The following CNTN4 variants were observed in gnomAD, a reference collection of about 807,000 sequenced individuals.
CNTN4 encodes contactin 4, also known as contactin-4.
Under a neutral mutation model 122.5 loss-of-function variants are expected in CNTN4, and 77 were observed. The ratio of observed to expected loss-of-function variants is 0.63; its 90% confidence interval spans 0.52 to 0.76. The LOEUF (loss-of-function observed/expected upper bound fraction) is 0.76. Among genes scored for constraint, CNTN4 ranks in the 30% least tolerant of loss-of-function variants. The pLI is 0.00. For missense variants in CNTN4, 1,256 were observed against 1,259.1 expected (o/e 1.00, Z 0.04); for synonymous variants, 512 against 447.0 (o/e 1.15, Z -1.83).
intron 6 of CNTN4, among the ~76,000 whole-genome samples, chr3:2,796,423 C>A (rs987787797): frequency 6.6e-6 from 1 of 152,066 alleles, no homozygotes; most frequent in Non-Finnish European, 1.5e-5. Context: ...CTAAAAATAT[C>A]ACTTGATTAG....
intron 2 of CNTN4, among the ~76,000 whole-genome samples, chr3:2,218,750 C>A: frequency 6.6e-6 from 1 of 152,074 alleles, no homozygotes; most frequent in South Asian, 2.1e-4. Context: ...AGGATTGATT[C>A]CAGCCTACAA....
intron 2 of CNTN4, among the ~76,000 whole-genome samples, chr3:2,200,460 A>T (rs2038044759): frequency 6.6e-6 from 1 of 152,068 alleles, no homozygotes; most frequent in South Asian, 2.1e-4. Context: ...TTAGTTGTTT[A>T]TGTGTGTTGA....
chr3:2,306,770 A>G (rs2042723918), intron 2 of CNTN4, among the ~76,000 whole-genome samples: 1 of 152,078 alleles, frequency 6.6e-6, no homozygotes, highest in Non-Finnish European at 1.5e-5. Flanking sequence ...CTTCCCATTT[A>G]TTTAGGTCTT....
intron 5 of CNTN4, among the ~76,000 whole-genome samples, chr3:2,739,365 A>G (rs2089322936): frequency 6.6e-6 from 1 of 152,138 alleles, no homozygotes; most frequent in African/African-American, 2.4e-5. Flanking sequence ...TCTATGATCC[A>G]GTGTATATGA....
intron 4 of CNTN4, among the ~76,000 whole-genome samples, chr3:2,683,143 C>A (rs1304419889): frequency 6.6e-6 from 1 of 151,948 alleles, no homozygotes; most frequent in African/African-American, 2.4e-5. Context: ...CTCTTTACAA[C>A]AAGAAATGGA....
intron 13 of CNTN4, among the ~76,000 whole-genome samples, chr3:2,945,157 G>A (rs1354959444): frequency 1.3e-5 from 2 of 152,020 alleles, no homozygotes; most frequent in Non-Finnish European, 2.9e-5. Context: ...GGGAAATCTG[G>A]GTAGAGTACT....
At chr3:2,364,248 G>A (rs374473135) in intron 3 of CNTN4, among the ~76,000 whole-genome samples, 1 of 152,090 alleles carries the variant, frequency 6.6e-6, no homozygotes, top group Non-Finnish European at 1.5e-5. Flanking sequence ...TTTATTAAAT[G>A]GAAATAATAT....
In CNTN4 at chr3:2,925,631, G is replaced by A; in HGVS notation, c.1210G>A (p.Val404Ile). The change falls in exon 13 of 25, where the codon GTA (valine) becomes ATA (isoleucine). Residue 404 changes from valine to isoleucine, a missense_variant and splice_region_variant. Val to Ile is a conservative substitution (Grantham distance 29). Coordinates refer to ENST00000418658, the MANE Select transcript of CNTN4 (RefSeq NM_175607.3). Reference protein sequence around the residue: ...FSNAELSVIAVGPDFSRTLLK... With the variant: ...FSNAELSVIAIGPDFSRTLLK... ...TTATTTTTTGTACTGTCTTTCAGCT[G>A]TAGGTCCAGATTTTTCAAGAACACT... 1.9e-6 allele frequency: 3 copies of A among 1,613,636 alleles called. No homozygotes were observed. The highest frequency in any genetic ancestry group is 2.5e-6 in the Non-Finnish European group (3 of 1,179,608).
At chr3:2,634,993 G>T (rs2082601071) in intron 4 of CNTN4, among the ~76,000 whole-genome samples, 1 of 152,146 alleles carries the variant, frequency 6.6e-6, no homozygotes, top group Non-Finnish European at 1.5e-5. Context: ...CTCAGTTATT[G>T]AAGGGATTCG....
intron 4 of CNTN4, among the ~76,000 whole-genome samples, chr3:2,591,716 T>C (rs548392228): frequency 1.3e-5 from 2 of 152,096 alleles, no homozygotes; most frequent in East Asian, 3.9e-4. Flanking sequence ...AAAAAAAATA[T>C]GAGGTGAATT....
chr3:2,538,571 T>A (rs1176866636), intron 3 of CNTN4, among the ~76,000 whole-genome samples: 1 of 152,076 alleles, frequency 6.6e-6, no homozygotes. Flanking sequence ...GTCTCTAATT[T>A]GTATTAATAG....
intron 9 of CNTN4, among the ~76,000 whole-genome samples, chr3:2,884,402 C>T (rs2093946343): frequency 6.6e-6 from 1 of 152,086 alleles, no homozygotes; most frequent in Admixed American, 6.6e-5. Flanking sequence ...AAATAAGCTA[C>T]AGTCGTATCT....
intron 4 of CNTN4, among the ~76,000 whole-genome samples, chr3:2,713,630 AGGAGGAGATTAGAAAGACCTTCCTG>A (rs2087290471): frequency 3.3e-5 from 5 of 152,306 alleles, no homozygotes; most frequent in African/African-American, 1.2e-4. Context: ...GGAGAACCAC[AGGAGGAGATTAGAAAGACCTTCCTG>A]CTTCTGCTGT....
At chr3:2,174,763 C>A (rs554390552) in intron 2 of CNTN4, among the ~76,000 whole-genome samples, 1 of 152,274 alleles carries the variant, frequency 6.6e-6, no homozygotes, top group South Asian at 2.1e-4. Context: ...ATGGCATTGG[C>A]ATCTGCTCAG....
chr3:2,268,730 T>A (rs1416641786), intron 2 of CNTN4, among the ~76,000 whole-genome samples: 1 of 152,126 alleles, frequency 6.6e-6, no homozygotes, highest in Non-Finnish European at 1.5e-5. Context: ...AGAATCAAAA[T>A]TTTTTATAAC....
At chr3:2,138,702 A>G (rs567254204) in intron 2 of CNTN4, among the ~76,000 whole-genome samples, 1 of 152,244 alleles carries the variant, frequency 6.6e-6, no homozygotes, top group Admixed American at 6.5e-5. Flanking sequence ...TGGAACTGGT[A>G]TTTATACCAT....
At chr3:2,334,617 G>A (rs1178540) in intron 2 of CNTN4, among the ~76,000 whole-genome samples, 108,144 of 152,032 alleles carry the variant, frequency 0.71, 38,760 homozygotes, top group East Asian at 0.83. Flanking sequence ...CCTATATTTT[G>A]TCCACTGATT....
intron 4 of CNTN4, among the ~76,000 whole-genome samples, chr3:2,641,786 A>G (rs1279384121): frequency 6.6e-6 from 1 of 152,206 alleles, no homozygotes; most frequent in African/African-American, 2.4e-5. Context: ...TGATGCCAGA[A>G]AGGAAGATTG....
chr3:2,970,331 G>A lies in CNTN4; in HGVS notation c.1359-18014G>A, dbSNP rs571879991. 5.9e-5 allele frequency among the ~76,000 whole-genome samples: 9 copies of A among 152,208 alleles called. No homozygotes were observed. In the South Asian group the frequency reaches 1.5e-3, roughly 25 times the overall value. ...AAGCTAGTCTCAAACTCCTAGGATC[G>A]AGTGATCTTACTGCCTCAGCTTCCC... On this transcript the variant is annotated intron_variant, in intron 13 of 24. Coordinates refer to ENST00000418658, the MANE Select transcript of CNTN4 (RefSeq NM_175607.3).
Sources: gnomAD v4.1 joint callset for allele counts (sites outside exome capture counted in the v4.1 genomes callset) on GRCh38, gnomAD v4.1.1 for gene constraint, MANE v1.5 for transcripts, NCBI Gene and HGNC (gene_info 2026-07-23, HGNC 2026-07-21) for gene names.